The following PAX2 variants were observed in gnomAD, a reference collection of about 807,000 sequenced individuals.
PAX2 encodes paired box 2, also known as paired box protein Pax-2.
In PAX2, 9 loss-of-function variants were observed where a neutral mutation model predicts 41.7. The observed-to-expected ratio is 0.22, with a 90% confidence interval of 0.13 to 0.38. PAX2 has a LOEUF of 0.38. Ranked by LOEUF, PAX2 falls within the 10% of genes least tolerant of loss-of-function variation. The pLI, the probability that PAX2 is intolerant of heterozygous loss-of-function variation, is 1.00. For synonymous variants in PAX2, 221 were observed against 212.7 expected (o/e 1.04, Z -0.34); for missense variants, 418 against 531.6 (o/e 0.79, Z 2.10).
rs1019922447 is a variant in PAX2 at position 100,750,134 on chromosome 10, C to G, written c.212+220C>G. Among the ~76,000 whole-genome samples, 1 of 152,210 alleles carries G rather than the reference C, an allele frequency of 6.6e-6. No homozygotes were observed. Among genetic ancestry groups the G allele is most frequent in the Non-Finnish European group, 1.5e-5 (1 of 68,042 alleles). On this transcript the variant is annotated intron_variant, in intron 2 of 9. Transcript: ENST00000355243. The surrounding 1 kb of genome is among the most constrained non-coding windows in gnomAD (Gnocchi z 4.1). ...AGTGTCACCCAGTGCTTGCCCTGCC[C>G]CTGGTCCCTGGTGAGAAGGCAGCCC... is the stretch of plus-strand genomic sequence containing the variant.
chr10:100,760,423 T>C (rs1287177808), intron 3 of PAX2, among the ~76,000 whole-genome samples: 1 of 152,034 alleles, frequency 6.6e-6, no homozygotes, highest in Non-Finnish European at 1.5e-5. Flanking sequence ...TGAACGGGGG[T>C]TCTGAAAGGT....
intron 5 of PAX2, among the ~76,000 whole-genome samples, chr10:100,800,323 A>C (rs1428878781): frequency 7.9e-6 from 1 of 127,238 alleles, no homozygotes; most frequent in Non-Finnish European, 1.6e-5. Flanking sequence ...TCTGTTGTCC[A>C]GGCTGAATGC....
At chr10:100,740,603 T>A (rs925346770), upstream of PAX2, among the ~76,000 whole-genome samples, 33 of 152,188 alleles carry the variant, frequency 2.2e-4, no homozygotes, top group Non-Finnish European at 4.4e-5. Flanking sequence ...CATAATCTAC[T>A]AGAGAAATGT....
At chr10:100,752,116 T>C (rs1337217258) in intron 3 of PAX2, among the ~76,000 whole-genome samples, 1 of 152,164 alleles carries the variant, frequency 6.6e-6, no homozygotes, top group Non-Finnish European at 1.5e-5. Context: ...TAAAGAAGAT[T>C]CCCTCTGCCA....
chr10:100,745,089 G>A (rs1006801057), upstream of PAX2, among the ~76,000 whole-genome samples: 1 of 152,130 alleles, frequency 6.6e-6, no homozygotes, highest in Non-Finnish European at 1.5e-5. Context: ...CTGGGCCCGG[G>A]GCCGCGCGGC....
chr10:100,774,926 C>A (rs951620593), intron 3 of PAX2, among the ~76,000 whole-genome samples: 1 of 152,218 alleles, frequency 6.6e-6, no homozygotes. Flanking sequence ...AGTCCCCATG[C>A]GGGGCCCAGG....
At position 100,750,885 on chromosome 10, in the gene PAX2, T is replaced by C; in HGVS notation, c.404T>C (p.Ile135Thr). 6.2e-7 allele frequency: 1 copy of C among 1,613,702 alleles called. No homozygotes were observed. Among genetic ancestry groups the C allele is most frequent in the Non-Finnish European group, 8.5e-7 (1 of 1,179,662 alleles). The change falls in exon 3 of 10, where the codon ATC becomes ACC. Residue 135 changes from isoleucine to threonine, a missense_variant. Ile to Thr is a moderately conservative substitution (Grantham distance 89, BLOSUM62 -1). Around this residue, in one of 2 missense-constraint regions of PAX2, gnomAD observed 108 missense variants for 206.3 expected, o/e 0.52. Coordinates refer to ENST00000355243, the MANE Select transcript of PAX2 (RefSeq NM_000278.5). The surrounding 1 kb of genome is among the most constrained non-coding windows in gnomAD (Gnocchi z 4.1). Reference sequence around the variant, plus strand: ...GACACAGTGCCCAGCGTCTCTTCCATCAACAGGTGAGCAAGCCACCCGGGT... The same window carrying C: ...GACACAGTGCCCAGCGTCTCTTCCACCAACAGGTGAGCAAGCCACCCGGGT... ...DNDTVPSVSS[I>T]NRIIRTKVQQ...
intron 5 of PAX2, among the ~76,000 whole-genome samples, chr10:100,805,368 C>T (rs1847740678): frequency 6.6e-6 from 1 of 152,184 alleles, no homozygotes; most frequent in Admixed American, 6.5e-5. Flanking sequence ...AGGCCCAAGG[C>T]TCCTCAGCTG....
intron 1 of PAX2, 26 bp downstream of exon 1, chr10:100,746,329 C>T (rs1168584813): frequency 6.6e-7 from 1 of 1,511,052 alleles, no homozygotes; most frequent in Non-Finnish European, 9.2e-7. Flanking sequence ...CGGCTCCTGT[C>T]CCGGCTCGGG....
intron 3 of PAX2, among the ~76,000 whole-genome samples, chr10:100,752,845 T>A (rs969973140): frequency 6.6e-6 from 1 of 152,180 alleles, no homozygotes; most frequent in South Asian, 2.1e-4. Context: ...TTGGAAATAC[T>A]TCTATCCTGA....
At chr10:100,788,801 G>A (rs1188822063) in intron 5 of PAX2, among the ~76,000 whole-genome samples, 4 of 151,968 alleles carry the variant, frequency 2.6e-5, no homozygotes, top group African/African-American at 9.7e-5. Context: ...ACCATATTGG[G>A]TAAACAAAAA....
Position 100,748,651 on chromosome 10 carries a change from C to T in PAX2, c.44-1095C>T. On this transcript the variant is annotated intron_variant, in intron 1 of 9. Transcript: ENST00000355243. This position sits in a 1 kb window ranked among gnomAD's most constrained non-coding sequence, Gnocchi z 5.0. ...GCTGTAGGCCAGGGAGAATGGGGCA[C>T]AGGAAGCACCCTCAGGCCTGGCACC... 1.0e-6 allele frequency: 1 copy of T among 985,408 alleles called. No individual in the cohort carries two copies. The highest frequency in any genetic ancestry group is 1.2e-6 in the Non-Finnish European group (1 of 829,920). 61.0% of individuals were successfully genotyped at this position (985,408 alleles called of 1,614,324 possible). A position where few individuals can be genotyped will look rare whatever the true frequency, so the allele number is the denominator to read the frequency against.
intron 3 of PAX2, among the ~76,000 whole-genome samples, chr10:100,762,075 C>T (rs1254189939): frequency 1.3e-5 from 2 of 151,964 alleles, no homozygotes; most frequent in African/African-American, 2.4e-5. Flanking sequence ...AGGAAGCAGC[C>T]CTGCCAGGCT....
rs755604378 is a variant in PAX2 at position 100,750,706 on chromosome 10, C to T, written c.225C>T (p.Thr75=). The change falls in exon 3 of 10, where the codon ACC becomes ACT. Residue 75 remains threonine (T), a synonymous_variant. Transcript: ENST00000355243. The surrounding 1 kb of genome is among the most constrained non-coding windows in gnomAD (Gnocchi z 4.1). ...VSKILGRYYE[T]GSIKPGVIGG... is the part of the protein sequence containing the mutation. ...TTTCCCGGCGCAGGTACTACGAGAC[C>T]GGCAGCATCAAGCCGGGTGTGATCG... The T allele has an allele frequency of 1.9e-5, 30 of 1,614,000 alleles. No homozygotes were observed. In the Admixed American group the frequency reaches 2.0e-4, roughly 11 times the overall value.
chr10:100,805,366 G>C (rs569843668), intron 5 of PAX2, among the ~76,000 whole-genome samples: 290 of 152,338 alleles, frequency 1.9e-3, no homozygotes, highest in South Asian at 0.013. Context: ...CCAGGCCCAA[G>C]GCTCCTCAGC....
rs1398310637 is a variant in PAX2 at position 100,827,623 on chromosome 10, C to T, written c.*4C>T. 2.5e-6 allele frequency: 4 copies of T among 1,613,884 alleles called. No individual in the cohort carries two copies. The highest frequency in any genetic ancestry group is 1.7e-4 in the Middle Eastern group (1 of 6,052). On this transcript the variant is annotated 3_prime_UTR_variant, in exon 10 of 10. Transcript: ENST00000355243. The surrounding 1 kb of genome is among the most constrained non-coding windows in gnomAD (Gnocchi z 8.5). ...CGCTGCCTATGACCGCCACTAGTTA[C>T]CGCGGGGACCACATCAAGCTTCAGG...
intron 3 of PAX2, 146 bp downstream of exon 3, chr10:100,751,037 G>T: frequency 1.4e-6 from 1 of 724,950 alleles, no homozygotes; most frequent in Non-Finnish European, 2.5e-6. Context: ...CAGAGAAAGG[G>T]AACCTGTGAG....
chr10:100,812,103 C>T (rs966669726), intron 7 of PAX2, among the ~76,000 whole-genome samples: 1 of 152,230 alleles, frequency 6.6e-6, no homozygotes, highest in Non-Finnish European at 1.5e-5. Flanking sequence ...AATCACATTG[C>T]AAGCAAGGGT....
intron 3 of PAX2, among the ~76,000 whole-genome samples, chr10:100,758,924 T>C (rs958583888): frequency 6.6e-6 from 1 of 152,070 alleles, no homozygotes; most frequent in Non-Finnish European, 1.5e-5. Context: ...TATGACTCCC[T>C]ATAGCCGGAG....
Sources: allele counts gnomAD v4.1 joint callset (sites outside exome capture counted in the v4.1 genomes callset), GRCh38; gene constraint gnomAD v4.1.1; regional missense constraint gnomAD v4.1.1; non-coding constraint Gnocchi (gnomAD v3.1); transcripts MANE v1.5; gene names NCBI Gene and HGNC (gene_info 2026-07-23, HGNC 2026-07-21).